Variants in KIF6 observed in about 807,000 individuals in gnomAD.
The protein encoded by KIF6 is kinesin-like protein KIF6.
A neutral mutation model predicts 112.7 loss-of-function variants in KIF6; 106 were observed. That is an observed-to-expected ratio of 0.94 (90% CI 0.80 to 1.11). KIF6 has a LOEUF of 1.11. KIF6 is among the 50% of genes least tolerant of loss of function. KIF6 has a pLI of 0.00. For missense variants in KIF6, 929 were observed against 964.0 expected (o/e 0.96, Z 0.48); for synonymous variants, 339 against 339.9 (o/e 1.00, Z 0.03).
rs10682536 is a variant in KIF6 at position 39,419,353 on chromosome 6, CAAAAA to C, written c.1810+590_1810+594del. Among the ~76,000 whole-genome samples the C allele has an allele frequency of 9.5e-5, 7 of 73,734 alleles. 1 individual carries two copies. The highest frequency in any genetic ancestry group is 1.3e-3 in the South Asian group (2 of 1,596). 48.4% of individuals were successfully genotyped at this position (73,734 alleles called of 152,430 possible). The stretch of plus-strand genomic sequence containing the variant: ...TGGGCAACAGAGTGAGACTCTGTCT[CAAAAA>C]AAAAAAAAAAAAAAAAAGAGAATTC... On this transcript the variant is annotated intron_variant, in intron 15 of 22. Transcript: ENST00000287152.
chr6:39,723,489 C>A (rs1360075467), intron 1 of KIF6, among the ~76,000 whole-genome samples: 1 of 152,176 alleles, frequency 6.6e-6, no homozygotes, highest in Non-Finnish European at 1.5e-5. Context: ...TAGAACCAAT[C>A]TAAATGCCCA....
At chr6:39,527,525 A>T (rs1321813555) in intron 13 of KIF6, among the ~76,000 whole-genome samples, 1 of 152,200 alleles carries the variant, frequency 6.6e-6, no homozygotes, top group East Asian at 1.9e-4. Flanking sequence ...AATGGAAAAA[A>T]AAAATCCCCT....
intron 5 of KIF6, among the ~76,000 whole-genome samples, chr6:39,622,186 A>G (rs1187657611): frequency 4.0e-5 from 6 of 151,870 alleles, no homozygotes; most frequent in Non-Finnish European, 8.8e-5. Context: ...AAAAAGAAAC[A>G]AAGAAATTGA....
At chr6:39,380,218 C>T (rs1457209293) in intron 16 of KIF6, among the ~76,000 whole-genome samples, 1 of 152,136 alleles carries the variant, frequency 6.6e-6, no homozygotes, top group African/African-American at 2.4e-5. Flanking sequence ...CTATTGTTTC[C>T]TGAAATAGTG....
At chr6:39,572,498 G>A (rs1272819998) in intron 10 of KIF6, among the ~76,000 whole-genome samples, 1 of 152,000 alleles carries the variant, frequency 6.6e-6, no homozygotes, top group African/African-American at 2.4e-5. Context: ...TGTTAGAAAA[G>A]GATCCAGATG....
At chr6:39,688,064 G>T (rs2113794195) in intron 3 of KIF6, among the ~76,000 whole-genome samples, 1 of 152,342 alleles carries the variant, frequency 6.6e-6, no homozygotes, top group East Asian at 1.9e-4. Flanking sequence ...CAAAAGGAGT[G>T]AGAAAGTTCT....
intron 13 of KIF6, among the ~76,000 whole-genome samples, chr6:39,501,701 G>A (rs1304981740): frequency 6.6e-6 from 1 of 152,166 alleles, no homozygotes; most frequent in African/African-American, 2.4e-5. Context: ...AGTATTAATA[G>A]CAGAGTAGAT....
chr6:39,649,190 TA>T (rs1348400547), intron 3 of KIF6, among the ~76,000 whole-genome samples: 1 of 151,926 alleles, frequency 6.6e-6, no homozygotes, highest in Non-Finnish European at 1.5e-5. Flanking sequence ...AAAAATAAAA[TA>T]AAAGCATGTT....
intron 14 of KIF6, among the ~76,000 whole-genome samples, chr6:39,421,830 A>G (rs1770393764): frequency 6.6e-6 from 1 of 152,166 alleles, no homozygotes; most frequent in Non-Finnish European, 1.5e-5. Context: ...AGACATTTAC[A>G]TGATGCACAG....
At chr6:39,498,328 A>G (rs540301017) in intron 13 of KIF6, among the ~76,000 whole-genome samples, 1 of 152,364 alleles carries the variant, frequency 6.6e-6, no homozygotes, top group East Asian at 1.9e-4. Context: ...TCAATTTTAA[A>G]GAAACAGAAA....
chr6:39,410,689 T>A lies in KIF6; in HGVS notation c.1810+9259A>T, dbSNP rs148096231. 7.0e-3 allele frequency among the ~76,000 whole-genome samples: 1,066 copies of A among 152,300 alleles called. 6 individuals are homozygous for A. Among genetic ancestry groups the A allele is most frequent in the African/African-American group, 0.02 (833 of 41,576 alleles). On this transcript the variant is annotated intron_variant, in intron 15 of 22. Coordinates refer to ENST00000287152, the MANE Select transcript of KIF6 (RefSeq NM_145027.6). ...GTACCTTACTAATCACTATTACTACTGGTAAAACAAAGGGGCAATAGTGAG... is the reference window on the plus strand; with the variant it reads ...GTACCTTACTAATCACTATTACTACAGGTAAAACAAAGGGGCAATAGTGAG...
chr6:39,539,503 C>T (rs1012017388), intron 13 of KIF6, among the ~76,000 whole-genome samples: 1 of 152,040 alleles, frequency 6.6e-6, no homozygotes, highest in Non-Finnish European at 1.5e-5. Context: ...ACCACCACGC[C>T]CAGCTAATTT....
intron 3 of KIF6, among the ~76,000 whole-genome samples, chr6:39,692,106 G>A (rs1582461371): frequency 6.6e-6 from 1 of 152,092 alleles, no homozygotes; most frequent in African/African-American, 2.4e-5. Flanking sequence ...CTGAGATCTC[G>A]CCACTGCACT....
chr6:39,402,467 A>G (rs573534506), intron 15 of KIF6, among the ~76,000 whole-genome samples: 80 of 152,276 alleles, frequency 5.3e-4, no homozygotes, highest in African/African-American at 1.8e-3. Flanking sequence ...GAGACAGACT[A>G]AAAAATAACC....
At chr6:39,496,267 C>T (rs914337080) in intron 13 of KIF6, among the ~76,000 whole-genome samples, 17 of 152,160 alleles carry the variant, frequency 1.1e-4, no homozygotes, top group African/African-American at 2.2e-4. Context: ...GACCACAGGA[C>T]GGATGGATGT....
At chr6:39,607,871 A>C (rs1782979790) in intron 6 of KIF6, among the ~76,000 whole-genome samples, 1 of 152,210 alleles carries the variant, frequency 6.6e-6, no homozygotes, top group Non-Finnish European at 1.5e-5. Flanking sequence ...ATTTGTGAGG[A>C]TGTGTTAGTC....
At chr6:39,492,109 A>C (rs1775511145) in intron 13 of KIF6, among the ~76,000 whole-genome samples, 1 of 152,184 alleles carries the variant, frequency 6.6e-6, no homozygotes, top group Non-Finnish European at 1.5e-5. Flanking sequence ...GACCTCATAA[A>C]AATCTAGGGT....
chr6:39,585,042 G>A, intron 8 of KIF6, 58 bp from the exon 9 acceptor site: 1 of 978,428 alleles, frequency 1.0e-6, no homozygotes, highest in Non-Finnish European at 1.6e-6. Context: ...TTTCTTTCTA[G>A]ATAAAACTTA....
chr6:39,537,706 GAA>G (rs1341576583), intron 13 of KIF6, among the ~76,000 whole-genome samples: 2 of 152,046 alleles, frequency 1.3e-5, no homozygotes, highest in African/African-American at 4.8e-5. Flanking sequence ...CACAGAATTG[GAA>G]AAAACTACTT....
Sources: allele counts gnomAD v4.1 joint callset (sites outside exome capture counted in the v4.1 genomes callset), GRCh38; gene constraint gnomAD v4.1.1; transcripts MANE v1.5; gene names NCBI Gene and HGNC (gene_info 2026-07-23, HGNC 2026-07-21).